Variants in PRKG1 observed in about 807,000 individuals in gnomAD.
The protein encoded by PRKG1 is protein kinase cGMP-dependent 1, also known as cGMP-dependent protein kinase 1.
PRKG1 carries 35 observed loss-of-function variants against 88.1 expected under a neutral mutation model. The observed-to-expected ratio is 0.40, with a 90% CI of 0.30 to 0.53. The LOEUF is 0.53. Ranked by LOEUF, PRKG1 falls within the 20% of genes least tolerant of loss-of-function variation. PRKG1 has a pLI of 0.59. For missense variants in PRKG1, 540 were observed against 839.8 expected (o/e 0.64, Z 4.41); for synonymous variants, 303 against 292.5 (o/e 1.04, Z -0.37).
intron 3 of PRKG1, among the ~76,000 whole-genome samples, chr10:51,799,251 C>G (rs944377433): frequency 1.3e-5 from 2 of 151,858 alleles, no homozygotes; most frequent in African/African-American, 2.4e-5. Flanking sequence ...TTCCGTGCCC[C>G]CCTCTTCATT....
chr10:51,928,404 A>G (rs967483066), intron 5 of PRKG1, among the ~76,000 whole-genome samples: 7 of 152,212 alleles, frequency 4.6e-5, no homozygotes, highest in Non-Finnish European at 7.3e-5. Context: ...ACTGTTATCA[A>G]TCTTCAGCAC....
chr10:51,642,944 T>G lies in PRKG1; in HGVS notation c.593-161641T>G, dbSNP rs113517123. 2.3e-3 allele frequency among the ~76,000 whole-genome samples: 349 copies of G among 152,314 alleles called. 2 individuals carry two copies. Among genetic ancestry groups the G allele is most frequent in the African/African-American group, 7.5e-3 (314 of 41,592 alleles). On this transcript the variant is annotated intron_variant, in intron 3 of 17. Transcript: ENST00000373980. ...CAAGAAAAAATACTGTTTCTAAAACTAAAGTAATCCACGTTCTTATCTTAA... is the reference window on the plus strand; with the variant it reads ...CAAGAAAAAATACTGTTTCTAAAACGAAAGTAATCCACGTTCTTATCTTAA...
chr10:51,104,500 A>G (rs1001648959), intron 1 of PRKG1, among the ~76,000 whole-genome samples: 2 of 152,102 alleles, frequency 1.3e-5, no homozygotes, highest in African/African-American at 4.8e-5. Flanking sequence ...CATATTTTTG[A>G]TGCTTCTGAA....
intron 1 of PRKG1, among the ~76,000 whole-genome samples, chr10:51,032,835 A>T (rs943434476): frequency 7.9e-5 from 12 of 152,042 alleles, no homozygotes; most frequent in Admixed American, 3.3e-4. Flanking sequence ...TCTTATTGAA[A>T]TTTTTTTTAA....
intron 2 of PRKG1, among the ~76,000 whole-genome samples, chr10:51,459,623 C>T (rs1839689715): frequency 6.6e-6 from 1 of 151,872 alleles, no homozygotes; most frequent in African/African-American, 2.4e-5. Context: ...TACTATTATC[C>T]CAAATATGTA....
chr10:51,106,261 G>C (rs1045734005), intron 1 of PRKG1, among the ~76,000 whole-genome samples: 1 of 152,172 alleles, frequency 6.6e-6, no homozygotes, highest in Non-Finnish European at 1.5e-5. Context: ...CAAAATACAT[G>C]TTTCTGTGCC....
At chr10:51,197,380 C>T (rs1317833007) in intron 2 of PRKG1, among the ~76,000 whole-genome samples, 3 of 152,064 alleles carry the variant, frequency 2.0e-5, no homozygotes, top group Non-Finnish European at 2.9e-5. Context: ...TCAAGCGATT[C>T]TCCTGCCTCA....
At chr10:51,664,114 C>A (rs960310982) in intron 3 of PRKG1, among the ~76,000 whole-genome samples, 1 of 151,940 alleles carries the variant, frequency 6.6e-6, no homozygotes, top group Non-Finnish European at 1.5e-5. Context: ...TGCTGGAATA[C>A]AATTTATATT....
At chr10:51,414,502 A>G (rs1403605421) in intron 2 of PRKG1, among the ~76,000 whole-genome samples, 1 of 152,250 alleles carries the variant, frequency 6.6e-6, no homozygotes, top group Non-Finnish European at 1.5e-5. Context: ...GTAACGAGCT[A>G]TGAAAATAAA....
intron 1 of PRKG1, among the ~76,000 whole-genome samples, chr10:51,114,152 T>G (rs369307074): frequency 7.2e-5 from 11 of 152,280 alleles, no homozygotes; most frequent in African/African-American, 2.6e-4. Context: ...AAGATTATAC[T>G]CTAGTCAAAC....
chr10:52,206,460 G>A (rs1589699502), intron 9 of PRKG1, among the ~76,000 whole-genome samples: 1 of 152,322 alleles, frequency 6.6e-6, no homozygotes, highest in East Asian at 1.9e-4. Flanking sequence ...AACTAGTGCA[G>A]TTGTTTGGAG....
intron 9 of PRKG1, among the ~76,000 whole-genome samples, chr10:52,184,410 T>C (rs1203005502): frequency 6.6e-6 from 1 of 152,182 alleles, no homozygotes; most frequent in African/African-American, 2.4e-5. Context: ...AGGCTGAATT[T>C]CCTTCTAGAT....
chr10:52,274,142 C>A (rs1015877994), intron 12 of PRKG1, among the ~76,000 whole-genome samples: 1 of 151,476 alleles, frequency 6.6e-6, no homozygotes, highest in Non-Finnish European at 1.5e-5. Context: ...TTTATTTTTT[C>A]ATAAGTTATT....
At chr10:51,335,794 C>A (rs529156627) in intron 2 of PRKG1, among the ~76,000 whole-genome samples, 2 of 152,166 alleles carry the variant, frequency 1.3e-5, no homozygotes, top group African/African-American at 4.8e-5. Context: ...AATGTTTCAA[C>A]AAAGATCATT....
intron 9 of PRKG1, among the ~76,000 whole-genome samples, chr10:52,231,672 G>T (rs1340917156): frequency 2.0e-5 from 3 of 152,104 alleles, no homozygotes; most frequent in African/African-American, 7.2e-5. Flanking sequence ...TTTAAGAATA[G>T]ATAGATAGTA....
At chr10:51,554,766 G>T (rs1471932112) in intron 3 of PRKG1, among the ~76,000 whole-genome samples, 1 of 151,694 alleles carries the variant, frequency 6.6e-6, no homozygotes, top group East Asian at 1.9e-4. Flanking sequence ...CATGTAGTGG[G>T]TCCTCCATGA....
At chr10:51,656,571 A>G (rs1840165469) in intron 3 of PRKG1, among the ~76,000 whole-genome samples, 1 of 152,056 alleles carries the variant, frequency 6.6e-6, no homozygotes, top group Non-Finnish European at 1.5e-5. Context: ...TATTTGTGTA[A>G]TTCAAACTCT....
At chr10:51,838,954 G>A (rs1840199071) in intron 4 of PRKG1, among the ~76,000 whole-genome samples, 2 of 151,908 alleles carry the variant, frequency 1.3e-5, no homozygotes, top group African/African-American at 2.4e-5. Flanking sequence ...GCTGTATAAT[G>A]GCACATACAT....
At chr10:51,093,352 T>C (rs1844443395) in intron 1 of PRKG1, among the ~76,000 whole-genome samples, 1 of 152,132 alleles carries the variant, frequency 6.6e-6, no homozygotes, top group Non-Finnish European at 1.5e-5. Flanking sequence ...TGTGGCAGAC[T>C]GTACATAAAC....
Sources: gnomAD v4.1 joint callset for allele counts (sites outside exome capture counted in the v4.1 genomes callset) on GRCh38, gnomAD v4.1.1 for gene constraint, MANE v1.5 for transcripts, NCBI Gene and HGNC (gene_info 2026-07-23, HGNC 2026-07-21) for gene names.